DLG1: variants seen among roughly 807,000 people sequenced by gnomAD.
DLG1 encodes discs large MAGUK scaffold protein 1.
A neutral mutation model predicts 123.4 loss-of-function variants in DLG1; 42 were observed. That is an observed-to-expected ratio of 0.34 (90% CI 0.27 to 0.44). The LOEUF (loss-of-function observed/expected upper bound fraction) is 0.44, where lower values mean the gene tolerates loss of function less well. Among genes scored for constraint, DLG1 ranks in the 20% least tolerant of loss-of-function variants. The pLI is 1.00. For synonymous variants in DLG1, 317 were observed against 356.2 expected, an observed-to-expected ratio of 0.89 and a Z score of 1.24; for missense variants, 942 against 1,082.6, an observed-to-expected ratio of 0.87 and a Z score of 1.82.
chr3:197,163,154 C>T (rs911045520), intron 5 of DLG1, among the ~76,000 whole-genome samples: 6 of 152,156 alleles, frequency 3.9e-5, no homozygotes, highest in Non-Finnish European at 7.3e-5. Flanking sequence ...TGAGAGATTA[C>T]TTCACCACTA....
chr3:197,280,541 T>C (rs1560136645), intron 4 of DLG1, among the ~76,000 whole-genome samples: 1 of 152,210 alleles, frequency 6.6e-6, no homozygotes, highest in Non-Finnish European at 1.5e-5. Context: ...GTTCTATTTT[T>C]AGTTTTTTTG....
chr3:197,215,582 C>T (rs1434378925), intron 4 of DLG1, among the ~76,000 whole-genome samples: 1 of 151,652 alleles, frequency 6.6e-6, no homozygotes, highest in African/African-American at 2.4e-5. Context: ...GATAACATAA[C>T]GGTCAGTTAA....
rs898823431 is a variant in DLG1, at chr3:197,278,702, T to C, written c.318+3977A>G. 7.3e-5 allele frequency among the ~76,000 whole-genome samples: 11 copies of C among 151,628 alleles called. No homozygotes were observed. The South Asian group carries it at 8.3e-4, about 11-fold the overall frequency. On this transcript the variant is annotated intron_variant, in intron 4 of 24. Transcript: ENST00000667157. Reference sequence around the variant, plus strand: ...CAAAGTTATAAGGTCACAAAGTAACTGACAAATGACCTGGCAAGAATTAGA... The same window carrying C: ...CAAAGTTATAAGGTCACAAAGTAACCGACAAATGACCTGGCAAGAATTAGA...
At chr3:197,071,888 G>A (rs1379935056) in intron 18 of DLG1, among the ~76,000 whole-genome samples, 1 of 152,118 alleles carries the variant, frequency 6.6e-6, no homozygotes, top group African/African-American at 2.4e-5. Flanking sequence ...TACTAAGGCT[G>A]GACAAATGTG....
At chr3:197,119,787 T>C (rs1184144057) in intron 11 of DLG1, among the ~76,000 whole-genome samples, 1 of 152,124 alleles carries the variant, frequency 6.6e-6, no homozygotes, top group African/African-American at 2.4e-5. Flanking sequence ...CCAGATTACT[T>C]AAAGAATTAT....
In DLG1 at chr3:197,296,399, G is replaced by C. The variant is rs778558896; in HGVS notation, c.98C>G (p.Ser33Cys). Residue 33 changes from serine to cysteine, a missense_variant, in exon 3 of 25, where the codon TCC becomes TGC. Physicochemically the swap from Ser to Cys is moderately radical, Grantham distance 112 (BLOSUM62 -1). Coordinates refer to ENST00000667157, the MANE Select transcript of DLG1 (RefSeq NM_001366207.1). ...SQTEDRQLRS[S>C]IERVINIFQS... is the part of the protein sequence containing the mutation. Reference sequence around the variant, plus strand: ...AAATATGTTAATAACCCGTTCTATGGAACTTCTGAGCTGTCTGTCTTCAGT... The same window carrying C: ...AAATATGTTAATAACCCGTTCTATGCAACTTCTGAGCTGTCTGTCTTCAGT... 1.2e-6 allele frequency: 2 copies of C among 1,613,448 alleles called. No individual in the cohort carries two copies. The highest frequency in any genetic ancestry group is 4.5e-5 in the East Asian group (2 of 44,850).
At chr3:197,239,731 G>C (rs1747867427) in intron 4 of DLG1, among the ~76,000 whole-genome samples, 1 of 151,692 alleles carries the variant, frequency 6.6e-6, no homozygotes, top group South Asian at 2.1e-4. Context: ...GAAGCAAGCT[G>C]GCTTCACTCC....
At chr3:197,249,078 G>T (rs191631178) in intron 4 of DLG1, among the ~76,000 whole-genome samples, 2 of 151,926 alleles carry the variant, frequency 1.3e-5, no homozygotes, top group Admixed American at 1.3e-4. Context: ...TAGAAGAAAA[G>T]AAATAATAAA....
Position 197,294,373 on chromosome 3 carries a change from G to A in DLG1, c.151+1973C>T, listed in dbSNP as rs542287540. On this transcript the variant is annotated intron_variant, in intron 3 of 24. Coordinates refer to ENST00000667157, the MANE Select transcript of DLG1 (RefSeq NM_001366207.1). ...TTAGGAAGCTAACTCTAGGCCAGACGCGGTGGCTCACGCCTGTAATCCCAA... is the reference window on the plus strand; with the variant it reads ...TTAGGAAGCTAACTCTAGGCCAGACACGGTGGCTCACGCCTGTAATCCCAA... 2.6e-4 allele frequency among the ~76,000 whole-genome samples: 37 copies of A among 144,578 alleles called. No individual in the cohort carries two copies. In the East Asian group the frequency reaches 7.3e-3, roughly 29 times the overall value. 94.8% of individuals were successfully genotyped at this position (144,578 alleles called of 152,430 possible).
intron 13 of DLG1, among the ~76,000 whole-genome samples, chr3:197,105,332 C>T (rs1412767107): frequency 6.6e-6 from 1 of 152,124 alleles, no homozygotes; most frequent in Non-Finnish European, 1.5e-5. Flanking sequence ...ATTTTGCACA[C>T]TTTATTTTGC....
At chr3:197,154,491 C>A (rs1577180925) in intron 5 of DLG1, among the ~76,000 whole-genome samples, 1 of 151,534 alleles carries the variant, frequency 6.6e-6, no homozygotes, top group East Asian at 2.0e-4. Context: ...CTGGCTAACA[C>A]AGTGAAACCC....
intron 4 of DLG1, among the ~76,000 whole-genome samples, chr3:197,272,885 T>G (rs1265079312): frequency 6.6e-6 from 1 of 152,150 alleles, no homozygotes; most frequent in East Asian, 1.9e-4. Context: ...GGTACTGGTA[T>G]TTTTCTTTTT....
intron 13 of DLG1, among the ~76,000 whole-genome samples, chr3:197,108,595 A>G (rs1009590210): frequency 1.8e-4 from 14 of 79,270 alleles, no homozygotes; most frequent in Non-Finnish European, 3.9e-4. Flanking sequence ...ATGACTACAT[A>G]ATGATATACT....
At chr3:197,277,856 G>A (rs570827649) in intron 4 of DLG1, among the ~76,000 whole-genome samples, 5 of 152,132 alleles carry the variant, frequency 3.3e-5, no homozygotes, top group Middle Eastern at 3.4e-3. Context: ...AGAGAGAGCC[G>A]GGTGTGGTAC....
At chr3:197,045,698 C>G (rs1011696463) in intron 24 of DLG1, among the ~76,000 whole-genome samples, 1 of 152,054 alleles carries the variant, frequency 6.6e-6, no homozygotes, top group African/African-American at 2.4e-5. Context: ...GAGCTATGAT[C>G]GTACCATTGG....
chr3:197,200,703 T>C (rs1285335293), intron 4 of DLG1, among the ~76,000 whole-genome samples: 1 of 152,040 alleles, frequency 6.6e-6, no homozygotes, highest in Non-Finnish European at 1.5e-5. Flanking sequence ...ATACATCACA[T>C]AAACAGAAAT....
chr3:197,093,132 A>G (rs930401674), intron 14 of DLG1, among the ~76,000 whole-genome samples: 4 of 152,102 alleles, frequency 2.6e-5, no homozygotes, highest in Non-Finnish European at 5.9e-5. Flanking sequence ...GTATATATAC[A>G]CACAAACATC....
At chr3:197,199,856 T>TA (rs772547956) in intron 4 of DLG1, among the ~76,000 whole-genome samples, 93 of 152,236 alleles carry the variant, frequency 6.1e-4, no homozygotes, top group Non-Finnish European at 1.2e-3. Flanking sequence ...ACACTTATAC[T>TA]AAAAAGAATT....
intron 11 of DLG1, among the ~76,000 whole-genome samples, chr3:197,129,612 G>A (rs569471529): frequency 1.3e-5 from 2 of 152,200 alleles, no homozygotes; most frequent in East Asian, 3.8e-4. Flanking sequence ...GCAGCAAGAG[G>A]TCTAGCTTTC....
Sources: gnomAD v4.1 joint callset for allele counts (sites outside exome capture counted in the v4.1 genomes callset) on GRCh38, gnomAD v4.1.1 for gene constraint, MANE v1.5 for transcripts, NCBI Gene and HGNC (gene_info 2026-07-23, HGNC 2026-07-21) for gene names.